Variants in TRERF1 observed in about 807,000 individuals in gnomAD.
TRERF1 encodes transcriptional-regulating factor 1.
Under a neutral mutation model 122.9 loss-of-function variants are expected in TRERF1, and 27 were observed. The observed-to-expected ratio is 0.22, with a 90% CI of 0.16 to 0.30. The LOEUF (loss-of-function observed/expected upper bound fraction) is 0.30, where lower values mean the gene tolerates loss of function less well. Among genes scored for constraint, TRERF1 ranks in the 10% least tolerant of loss-of-function variants. The probability of loss-of-function intolerance (pLI) is 1.00; values close to 1 mark genes in which losing one functional copy is unlikely to be tolerated. For missense variants in TRERF1, 1,248 were observed against 1,560.3 expected, an observed-to-expected ratio of 0.80 and a Z score of 3.37; for synonymous variants, 636 against 641.7, an observed-to-expected ratio of 0.99 and a Z score of 0.13.
At chr6:42,413,165 A>G (rs1416232283) in intron 2 of TRERF1, among the ~76,000 whole-genome samples, 1 of 152,194 alleles carries the variant, frequency 6.6e-6, no homozygotes, top group Non-Finnish European at 1.5e-5. Flanking sequence ...AGGGCATCTC[A>G]TCTTCACCAC....
chr6:42,236,991 A>G (rs9462786), intron 15 of TRERF1, among the ~76,000 whole-genome samples: 4,997 of 152,312 alleles, frequency 0.033, 293 homozygotes, highest in African/African-American at 0.11. Context: ...GTGAAAGGAG[A>G]GAAAATGGAA....
Position 42,259,355 on chromosome 6 carries a change from C to A in TRERF1, c.2253G>T (p.Val751=). ...GTGACTCACTGGAGCGACACAGCAGCACCCGTGGTGTGGGCGTCAGGGGCG... is the reference window on the plus strand; with the variant it reads ...GTGACTCACTGGAGCGACACAGCAGAACCCGTGGTGTGGGCGTCAGGGGCG... The change falls in exon 9 of 18, where the codon GTG becomes GTT. Residue 751 remains valine, a synonymous_variant. Coordinates refer to ENST00000372922, the Ensembl canonical transcript of TRERF1. The surrounding 1 kb of genome is among the most constrained non-coding windows in gnomAD (Gnocchi z 4.9). 1 of 1,509,158 alleles carries A rather than the reference C, an allele frequency of 6.6e-7. No individual in the cohort carries two copies. The allele number at this position is 1,509,158 out of a possible 1,614,324, so 93.5% of individuals were successfully genotyped here. A position where few individuals can be genotyped will look rare whatever the true frequency, so the allele number is the denominator to read the frequency against.
exon 18 of TRERF1, chr6:42,225,936 T>C (rs1260871940): frequency 6.6e-6 from 1 of 152,110 alleles, no homozygotes; most frequent in African/African-American, 2.4e-5. Context: ...GTAACCGAGT[T>C]GAGACATTAA....
Position 42,234,544 on chromosome 6 carries a change from T to C in TRERF1, c.3067-1652A>G, listed in dbSNP as rs187607969. Among the ~76,000 whole-genome samples, 324 of 152,218 alleles carry C rather than the reference T, an allele frequency of 2.1e-3. 1 individual carries two copies. The highest frequency in any genetic ancestry group is 3.4e-3 in the Non-Finnish European group (232 of 67,998). ...GTATAGTAGAGACGGGGTTTCACCA[T>C]GTTGGCCAGGATGGTCTTGATCTCT... On this transcript the variant is annotated intron_variant, in intron 16 of 17. Transcript: ENST00000372922.
At chr6:42,415,932 T>C (rs1319890892) in intron 2 of TRERF1, among the ~76,000 whole-genome samples, 1 of 152,172 alleles carries the variant, frequency 6.6e-6, no homozygotes, top group African/African-American at 2.4e-5. Context: ...GTGACACTTT[T>C]ATAACACTGA....
intron 2 of TRERF1, among the ~76,000 whole-genome samples, chr6:42,430,623 C>T (rs986298257): frequency 2.6e-5 from 4 of 151,916 alleles, no homozygotes; most frequent in Non-Finnish European, 4.4e-5. Flanking sequence ...TGGCTGGGCG[C>T]GGTGGCTCAT....
At position 42,243,230 on chromosome 6, in the gene TRERF1, C is replaced by G. The variant is rs1405487443; in HGVS notation, c.2859+18G>C. 1 of 1,607,852 alleles carries G rather than the reference C, an allele frequency of 6.2e-7. No homozygotes were observed. Among genetic ancestry groups the G allele is most frequent in the Admixed American group, 1.7e-5 (1 of 59,990 alleles). On this transcript the variant is annotated intron_variant, in intron 15 of 17. Transcript: ENST00000372922. ...GGAGCTGTCCCAGCACAAGCAACAA[C>G]TTAGCAGCTTCACTCACCACACAAT...
intron 2 of TRERF1, among the ~76,000 whole-genome samples, chr6:42,392,224 A>G (rs78073884): frequency 0.019 from 2,826 of 152,322 alleles, 84 homozygotes; most frequent in African/African-American, 0.063. Flanking sequence ...TGCTAAATGA[A>G]TGAAGAAATG....
chr6:42,328,190 G>A (rs1764639871), intron 3 of TRERF1, among the ~76,000 whole-genome samples: 1 of 151,496 alleles, frequency 6.6e-6, no homozygotes, highest in Non-Finnish European at 1.5e-5. Flanking sequence ...GTATTTTTTG[G>A]TAAAGATGGG....
At chr6:42,445,415 GTTC>G (rs781028231) in intron 2 of TRERF1, among the ~76,000 whole-genome samples, 6 of 150,242 alleles carry the variant, frequency 4.0e-5, no homozygotes, top group East Asian at 3.9e-4. Context: ...CACACTGCCT[GTTC>G]TTCTCTCTCC....
At chr6:42,289,133 G>C (rs1281056568) in intron 4 of TRERF1, among the ~76,000 whole-genome samples, 2 of 152,036 alleles carry the variant, frequency 1.3e-5, no homozygotes, top group Non-Finnish European at 2.9e-5. Context: ...AGATCAACCT[G>C]GCCAACATGG....
chr6:42,269,169 T>G lies in TRERF1; in HGVS notation c.422A>C (p.His141Pro). ...CACCTGGGTGAAAGAGTCCAGCTTG[T>G]GTAAGACACCGCTGGTAAGCTTCTG... Residue 141 changes from histidine to proline, a missense_variant, in exon 5 of 18, where the codon CAC becomes CCC. Physicochemically the swap from His to Pro is moderately conservative, Grantham distance 77 (BLOSUM62 -2). This residue lies in a region of TRERF1 where 946 missense variants were observed against 1,073.0 expected (regional missense o/e 0.88). Transcript: ENST00000372922. This position sits in a 1 kb window ranked among gnomAD's most constrained non-coding sequence, Gnocchi z 4.9. The G allele has an allele frequency of 6.2e-7, 1 of 1,614,252 alleles. No homozygotes were observed. Among genetic ancestry groups the G allele is most frequent in the Non-Finnish European group, 8.5e-7 (1 of 1,180,042 alleles).
intron 3 of TRERF1, among the ~76,000 whole-genome samples, chr6:42,306,659 T>G (rs2150311530): frequency 6.6e-6 from 1 of 152,346 alleles, no homozygotes; most frequent in Non-Finnish European, 1.5e-5. Flanking sequence ...CCCCAGGGCC[T>G]TTGCACATGC....
At chr6:42,421,288 C>A (rs1782731264) in intron 2 of TRERF1, among the ~76,000 whole-genome samples, 1 of 150,804 alleles carries the variant, frequency 6.6e-6, no homozygotes, top group Non-Finnish European at 1.5e-5. Flanking sequence ...AAACTTTTTT[C>A]CATTCTTACT....
At chr6:42,425,281 A>ATTAGAGTAAGT (rs1334050302) in intron 2 of TRERF1, among the ~76,000 whole-genome samples, 3 of 152,154 alleles carry the variant, frequency 2.0e-5, no homozygotes, top group African/African-American at 7.2e-5. Context: ...GCTACCATTT[A>ATTAGAGTAAGT]CACAGTGTGC....
At chr6:42,450,757 G>A (rs1788332703) in intron 2 of TRERF1, among the ~76,000 whole-genome samples, 1 of 152,178 alleles carries the variant, frequency 6.6e-6, no homozygotes, top group Non-Finnish European at 1.5e-5. Flanking sequence ...TCCCATCTGG[G>A]TGGCCACACT....
chr6:42,378,684 T>C (rs1307503124), intron 2 of TRERF1, among the ~76,000 whole-genome samples: 4 of 152,196 alleles, frequency 2.6e-5, no homozygotes. Flanking sequence ...GTCCAATTCT[T>C]ATTTTATACA....
chr6:42,279,604 G>A (rs1582780101), intron 4 of TRERF1, among the ~76,000 whole-genome samples: 2 of 152,200 alleles, frequency 1.3e-5, no homozygotes, highest in South Asian at 2.1e-4. Context: ...CACACCTAGC[G>A]TCATGGGGCC....
chr6:42,264,433 G>T (rs958527622), intron 7 of TRERF1, among the ~76,000 whole-genome samples: 1 of 152,238 alleles, frequency 6.6e-6, no homozygotes, highest in Non-Finnish European at 1.5e-5. Flanking sequence ...GTTTTCCTTT[G>T]CTGTCTTCTC....
Sources: allele counts gnomAD v4.1 joint callset (sites outside exome capture counted in the v4.1 genomes callset), GRCh38; gene constraint gnomAD v4.1.1; regional missense constraint gnomAD v4.1.1; non-coding constraint Gnocchi (gnomAD v3.1); transcripts MANE v1.5; gene names NCBI Gene and HGNC (gene_info 2026-07-23, HGNC 2026-07-21).